Variants in METTL16 observed in about 807,000 individuals in gnomAD.
METTL16 encodes methyltransferase 16, RNA N6-adenosine, also known as RNA N(6)-adenosine-methyltransferase METTL16.
Under a neutral mutation model 57.9 loss-of-function variants are expected in METTL16, and 19 were observed. The observed-to-expected ratio is 0.33, with a 90% CI of 0.23 to 0.48. The LOEUF is 0.48. METTL16 is among the 20% of genes least tolerant of loss of function. METTL16 has a pLI of 0.99. For synonymous variants in METTL16, 246 were observed against 255.6 expected, an observed-to-expected ratio of 0.96 and a Z score of 0.36; for missense variants, 434 against 691.5, an observed-to-expected ratio of 0.63 and a Z score of 4.18.
At chr17:2,492,660 G>A (rs1474525834) in intron 2 of METTL16, among the ~76,000 whole-genome samples, 4 of 152,004 alleles carry the variant, frequency 2.6e-5, no homozygotes, top group African/African-American at 9.7e-5. Context: ...GGGAGGCTGA[G>A]GCAGGTGGAT....
At chr17:2,422,528 A>T (rs148859361) in intron 8 of METTL16, among the ~76,000 whole-genome samples, 7 of 151,890 alleles carry the variant, frequency 4.6e-5, no homozygotes, top group South Asian at 4.2e-4. Flanking sequence ...TACGTCACCA[A>T]GCCCAGCCAA....
At chr17:2,440,897 A>C (rs947791154) in intron 7 of METTL16, among the ~76,000 whole-genome samples, 1 of 143,812 alleles carries the variant, frequency 7.0e-6, no homozygotes, top group African/African-American at 2.6e-5. Flanking sequence ...GGTTGAGCCC[A>C]GGAGTTCAAG....
chr17:2,486,785 T>C lies in METTL16; in HGVS notation c.129-8900A>G, dbSNP rs564962054. Among the ~76,000 whole-genome samples, 11 of 151,574 alleles carry C rather than the reference T, an allele frequency of 7.3e-5. No homozygotes were observed. The South Asian group carries it at 2.3e-3, about 32-fold the overall frequency. ...TCCAGGAGTTTGAGACCAACCTGGG[T>C]AGCATGGTGAAACCCTATTTCTATA... On this transcript the variant is annotated intron_variant, in intron 2 of 9. Transcript: ENST00000263092.
At chr17:2,504,699 G>C (rs762553720) in intron 1 of METTL16, among the ~76,000 whole-genome samples, 1 of 151,986 alleles carries the variant, frequency 6.6e-6, no homozygotes, top group Non-Finnish European at 1.5e-5. Flanking sequence ...GGGACTATAG[G>C]TATGTGCCAC....
intron 2 of METTL16, among the ~76,000 whole-genome samples, chr17:2,491,947 C>T (rs1254930995): frequency 1.3e-5 from 2 of 150,014 alleles, no homozygotes; most frequent in Non-Finnish European, 3.0e-5. Context: ...CGCGGTGGCT[C>T]ACGCCTGTAA....
intron 4 of METTL16, among the ~76,000 whole-genome samples, chr17:2,468,195 G>C (rs564596235): frequency 1.6e-3 from 247 of 152,320 alleles, no homozygotes; most frequent in African/African-American, 5.7e-3. Context: ...ACACTACGAT[G>C]AATCACCTAA....
intron 4 of METTL16, among the ~76,000 whole-genome samples, chr17:2,471,809 G>A (rs1284004495): frequency 6.6e-6 from 1 of 152,030 alleles, no homozygotes; most frequent in Admixed American, 6.6e-5. Flanking sequence ...ATAAAAATAA[G>A]AAGGGATCAA....
At chr17:2,469,851 T>A (rs2067225038) in intron 4 of METTL16, among the ~76,000 whole-genome samples, 14 of 152,148 alleles carry the variant, frequency 9.2e-5, no homozygotes. Flanking sequence ...ATGGTATAGT[T>A]TAATCAACAG....
intron 2 of METTL16, among the ~76,000 whole-genome samples, chr17:2,496,744 C>A (rs532365256): frequency 1.3e-5 from 2 of 151,502 alleles, no homozygotes; most frequent in South Asian, 2.1e-4. Flanking sequence ...GGAGGTGGGA[C>A]CTAGTGGGAG....
intron 2 of METTL16, among the ~76,000 whole-genome samples, chr17:2,482,591 C>G (rs2067315063): frequency 6.6e-6 from 1 of 152,178 alleles, no homozygotes; most frequent in Admixed American, 6.5e-5. Flanking sequence ...AACTAAGTAG[C>G]AGAGATAGAA....
Position 2,420,366 on chromosome 17 carries a change from G to T in METTL16, c.1293C>A (p.Pro431=). 6.2e-7 allele frequency: 1 copy of T among 1,612,284 alleles called. No homozygotes were observed. The highest frequency in any genetic ancestry group is 8.5e-7 in the Non-Finnish European group (1 of 1,180,010). Residue 431 remains proline (P), a synonymous_variant, in exon 10 of 10, where the codon CCC becomes CCA. Coordinates refer to ENST00000263092, the MANE Select transcript of METTL16 (RefSeq NM_024086.4). The surrounding 1 kb of genome is among the most constrained non-coding windows in gnomAD (Gnocchi z 5.4). The part of the protein sequence containing the change: ...ELARGPQERT[P]CGPALREGEA... The stretch of plus-strand genomic sequence containing the variant: ...CGCCTTCCCGCAGAGCAGGCCCACA[G>T]GGGGTCCTCTCCTGGGGGCCCCTGG...
chr17:2,458,757 G>A (rs2067128624), intron 6 of METTL16, among the ~76,000 whole-genome samples: 2 of 150,700 alleles, frequency 1.3e-5, no homozygotes. Context: ...GCCATGAGGA[G>A]TTTGATAAAG....
chr17:2,430,890 T>C (rs139882708), intron 8 of METTL16, among the ~76,000 whole-genome samples: 6 of 152,160 alleles, frequency 3.9e-5, no homozygotes, highest in African/African-American at 1.4e-4. Flanking sequence ...CCATGGGTTG[T>C]ACCTGTTTGC....
chr17:2,447,867 C>T (rs2067020772), intron 6 of METTL16, among the ~76,000 whole-genome samples: 1 of 91,276 alleles, frequency 1.1e-5, no homozygotes. Context: ...GTCAGCCCTC[C>T]ACCTGGCCAG....
intron 2 of METTL16, among the ~76,000 whole-genome samples, chr17:2,478,370 T>G (rs1195201247): frequency 6.6e-6 from 1 of 152,160 alleles, no homozygotes; most frequent in African/African-American, 2.4e-5. Context: ...TCCTTGAAAA[T>G]CCTACTTAAA....
chr17:2,480,185 C>CAAA (rs953770502), intron 2 of METTL16, among the ~76,000 whole-genome samples: 2 of 61,906 alleles, frequency 3.2e-5, no homozygotes, highest in East Asian at 5.4e-4. Context: ...GACTCTGTCT[C>CAAA]AAAAAAAAAA....
At chr17:2,505,344 C>T (rs2151581231) in intron 1 of METTL16, among the ~76,000 whole-genome samples, 1 of 147,878 alleles carries the variant, frequency 6.8e-6, no homozygotes, top group African/African-American at 2.5e-5. Context: ...TGCTAAATAC[C>T]TCTTAAATCC....
intron 2 of METTL16, among the ~76,000 whole-genome samples, chr17:2,480,381 G>A (rs770227869): frequency 6.6e-6 from 1 of 152,070 alleles, no homozygotes; most frequent in Non-Finnish European, 1.5e-5. Context: ...CTTATAGGGA[G>A]GAAAATGGAA....
At chr17:2,446,426 GA>G (rs1597447230) in intron 6 of METTL16, among the ~76,000 whole-genome samples, 3 of 152,262 alleles carry the variant, frequency 2.0e-5, no homozygotes, top group South Asian at 2.1e-4. Flanking sequence ...TGAAATCTAG[GA>G]AAAACCTATT....
Sources: allele counts gnomAD v4.1 joint callset (sites outside exome capture counted in the v4.1 genomes callset), GRCh38; gene constraint gnomAD v4.1.1; non-coding constraint Gnocchi (gnomAD v3.1); transcripts MANE v1.5; gene names NCBI Gene and HGNC (gene_info 2026-07-23, HGNC 2026-07-21).